Variants in SLC14A2 observed in about 807,000 individuals in gnomAD.
SLC14A2 encodes urea transporter 2.
A neutral mutation model predicts 104.6 loss-of-function variants in SLC14A2; 91 were observed. The observed-to-expected ratio is 0.87, with a 90% CI of 0.73 to 1.04. The LOEUF is 1.04. Among genes scored for constraint, SLC14A2 ranks in the 50% least tolerant of loss-of-function variants. The probability of loss-of-function intolerance (pLI) is 0.00; values close to 1 mark genes in which losing one functional copy is unlikely to be tolerated. For synonymous variants in SLC14A2, 476 were observed against 466.4 expected (o/e 1.02, Z -0.27); for missense variants, 1,189 against 1,156.0 (o/e 1.03, Z -0.41).
chr18:45,408,244 C>T (rs1426788535), intron 1 of SLC14A2, among the ~76,000 whole-genome samples: 1 of 152,136 alleles, frequency 6.6e-6, no homozygotes, highest in African/African-American at 2.4e-5. Flanking sequence ...CCACTGAGAT[C>T]ATTTTTCTCT....
At chr18:45,664,617 A>C (rs2045984082) in intron 11 of SLC14A2, among the ~76,000 whole-genome samples, 1 of 152,192 alleles carries the variant, frequency 6.6e-6, no homozygotes, top group African/African-American at 2.4e-5. Flanking sequence ...ACTGTTGGGA[A>C]TAAAAGTGAC....
At chr18:45,472,115 A>T (rs2087261681) in intron 1 of SLC14A2, among the ~76,000 whole-genome samples, 1 of 152,196 alleles carries the variant, frequency 6.6e-6, no homozygotes, top group South Asian at 2.1e-4. Context: ...CTTATGAGTG[A>T]GAATATGCAG....
At chr18:45,673,563 T>G (rs1341413552) in intron 17 of SLC14A2, 120 bp from the exon 18 acceptor site, 1 of 1,126,442 alleles carries the variant, frequency 8.9e-7, no homozygotes, top group Admixed American at 2.4e-5. Context: ...AAGTCCTTTT[T>G]GTATAACTAC....
At chr18:45,249,952 A>G (rs962755747) in intron 1 of SLC14A2, among the ~76,000 whole-genome samples, 2 of 152,082 alleles carry the variant, frequency 1.3e-5, no homozygotes, top group African/African-American at 4.8e-5. Context: ...CTGTCTCTAA[A>G]AAGAAAAAAA....
intron 10 of SLC14A2, among the ~76,000 whole-genome samples, chr18:45,661,013 G>C (rs541549084): frequency 2.0e-5 from 3 of 152,298 alleles, no homozygotes; most frequent in Admixed American, 1.3e-4. Flanking sequence ...CAGCACTCCA[G>C]TCTTGGCCAT....
intron 19 of SLC14A2, among the ~76,000 whole-genome samples, chr18:45,680,607 C>T (rs7242849): frequency 0.12 from 17,515 of 152,114 alleles, 1,198 homozygotes; most frequent in East Asian, 0.31. Context: ...GTATATACAA[C>T]CTCATGTCTT....
Position 45,487,745 on chromosome 18 carries a change from A to G in SLC14A2, c.-35+4423A>G, listed in dbSNP as rs139281657. On this transcript the variant is annotated intron_variant, in intron 2 of 20. Coordinates refer to the SLC14A2 transcript ENST00000586448. ...ACAAGGTCCAGCTGACCCCTTGGGG[A>G]TACCTAAAATGGGATGGCCTCTCAG... is the stretch of plus-strand genomic sequence containing the variant. 2.6e-5 allele frequency among the ~76,000 whole-genome samples: 4 copies of G among 152,248 alleles called. No individual in the cohort carries two copies. In the East Asian group the frequency reaches 5.8e-4, roughly 22 times the overall value.
At chr18:45,626,848 A>T in intron 3 of SLC14A2, 110 bp from the exon 4 acceptor site, 3 of 336,570 alleles carry the variant, frequency 8.9e-6, no homozygotes, top group Admixed American at 3.6e-5. Flanking sequence ...GCTGAATGGG[A>T]AGGGTCCTGG....
At chr18:45,500,242 C>T (rs1367174315) in intron 2 of SLC14A2, among the ~76,000 whole-genome samples, 2 of 152,166 alleles carry the variant, frequency 1.3e-5, no homozygotes, top group African/African-American at 4.8e-5. Flanking sequence ...CTCTGGCATG[C>T]TGGGTTGCTA....
intron 2 of SLC14A2, among the ~76,000 whole-genome samples, chr18:45,572,606 C>CCTAT (rs1355197867): frequency 5.3e-5 from 8 of 152,316 alleles, no homozygotes; most frequent in East Asian, 1.9e-4. Context: ...CTATCTGTAA[C>CCTAT]CTATCTTTAA....
At chr18:45,650,313 GTGTTTATGATTTTTTTTTTA>G (rs2045710668) in intron 10 of SLC14A2, among the ~76,000 whole-genome samples, 1 of 152,038 alleles carries the variant, frequency 6.6e-6, no homozygotes, top group African/African-American at 2.4e-5. Context: ...AGATCCATGT[GTGTTTATGATTTTTTTTTTA>G]ATTTTCTATC....
At chr18:45,352,786 G>A (rs1434878349) in intron 1 of SLC14A2, among the ~76,000 whole-genome samples, 2 of 152,178 alleles carry the variant, frequency 1.3e-5, no homozygotes, top group Non-Finnish European at 2.9e-5. Flanking sequence ...TTGAGGGACA[G>A]TAACTGGGTA....
upstream of SLC14A2, chr18:45,615,279 A>G (rs565261354): frequency 1.3e-5 from 2 of 152,342 alleles, no homozygotes; most frequent in East Asian, 3.9e-4. Context: ...CAGGGGCAGA[A>G]TGATATGGTT....
chr18:45,183,832 C>A, the SLC14A2 span, among the ~76,000 whole-genome samples: 1 of 150,898 alleles, frequency 6.6e-6, no homozygotes, highest in Non-Finnish European at 1.5e-5. Flanking sequence ...AACTCCTGGG[C>A]CAAGCTATCC....
At chr18:45,476,029 T>C (rs937197866) in intron 1 of SLC14A2, among the ~76,000 whole-genome samples, 2 of 152,162 alleles carry the variant, frequency 1.3e-5, no homozygotes, top group African/African-American at 4.8e-5. Context: ...ATTATCATGA[T>C]AGCTGGTTAT....
At chr18:45,206,446 C>G in the SLC14A2 span, among the ~76,000 whole-genome samples, 6 of 152,022 alleles carry the variant, frequency 3.9e-5, no homozygotes, top group Admixed American at 6.6e-5. Context: ...CACACACACA[C>G]AGAGATACTT....
At chr18:45,177,866 G>A in the SLC14A2 span, among the ~76,000 whole-genome samples, 4 of 152,146 alleles carry the variant, frequency 2.6e-5, no homozygotes, top group Admixed American at 1.3e-4. Flanking sequence ...AGGGTAAGCC[G>A]AAGTAAAGAT....
intron 2 of SLC14A2, among the ~76,000 whole-genome samples, chr18:45,519,358 C>T (rs2043485106): frequency 6.6e-6 from 1 of 152,162 alleles, no homozygotes; most frequent in Non-Finnish European, 1.5e-5. Flanking sequence ...CATTTGATTG[C>T]TTCTTGTAGG....
chr18:45,600,184 T>G (rs1404613715), intron 2 of SLC14A2, among the ~76,000 whole-genome samples: 1 of 152,164 alleles, frequency 6.6e-6, no homozygotes, highest in African/African-American at 2.4e-5. Context: ...AATATAAAAC[T>G]TGTTTCTTTC....
Sources: gnomAD v4.1 joint callset for allele counts (sites outside exome capture counted in the v4.1 genomes callset) on GRCh38, gnomAD v4.1.1 for gene constraint, MANE v1.5 for transcripts, NCBI Gene and HGNC (gene_info 2026-07-23, HGNC 2026-07-21) for gene names.